SREBF2: variants seen among roughly 807,000 people sequenced by gnomAD.
The protein encoded by SREBF2 is sterol regulatory element-binding protein 2.
A neutral mutation model predicts 113.1 loss-of-function variants in SREBF2; 55 were observed. That is an observed-to-expected ratio of 0.49 (90% CI 0.39 to 0.61). The LOEUF (loss-of-function observed/expected upper bound fraction) is 0.61. SREBF2 is among the 20% of genes least tolerant of loss of function. The probability of loss-of-function intolerance (pLI) is 0.00; values close to 1 mark genes in which losing one functional copy is unlikely to be tolerated. For missense variants in SREBF2, 1,349 were observed against 1,487.4 expected (o/e 0.91, Z 1.53); for synonymous variants, 593 against 605.7 (o/e 0.98, Z 0.31).
chr22:41,864,309 GTA>G (rs1433001502), intron 1 of SREBF2, among the ~76,000 whole-genome samples: 13 of 53,504 alleles, frequency 2.4e-4, no homozygotes, highest in South Asian at 5.9e-4. Context: ...ATATATATAT[GTA>G]TATATATATA....
intron 15 of SREBF2, 166 bp from the exon 16 acceptor site, chr22:41,900,163 AT>A: frequency 6.6e-7 from 1 of 1,507,988 alleles, no homozygotes; most frequent in Non-Finnish European, 8.8e-7. Flanking sequence ...CAGGGCTGGC[AT>A]TTCAGATCTG....
intron 1 of SREBF2, among the ~76,000 whole-genome samples, chr22:41,847,774 G>C (rs2076890740): frequency 6.6e-6 from 1 of 152,210 alleles, no homozygotes; most frequent in South Asian, 2.1e-4. Flanking sequence ...TTTGTGTAAA[G>C]TGTTTAATTG....
At chr22:41,883,646 C>T (rs1198469250) in intron 10 of SREBF2, among the ~76,000 whole-genome samples, 1 of 152,170 alleles carries the variant, frequency 6.6e-6, no homozygotes, top group Admixed American at 6.5e-5. Flanking sequence ...GTATGGTTGC[C>T]ACACTGCCCT....
At chr22:41,895,702 C>G (rs934345536) in intron 13 of SREBF2, among the ~76,000 whole-genome samples, 16 of 152,120 alleles carry the variant, frequency 1.1e-4, no homozygotes, top group Non-Finnish European at 1.3e-4. Context: ...TCCCAAAGTG[C>G]TGGGATTACA....
intron 7 of SREBF2, among the ~76,000 whole-genome samples, chr22:41,876,170 A>G (rs1021549384): frequency 6.6e-6 from 1 of 152,234 alleles, no homozygotes; most frequent in African/African-American, 2.4e-5. Context: ...CATTTTACCT[A>G]TGGGCCTTTA....
intron 1 of SREBF2, among the ~76,000 whole-genome samples, chr22:41,849,981 A>G (rs1382460080): frequency 6.6e-6 from 1 of 150,960 alleles, no homozygotes; most frequent in Admixed American, 6.7e-5. Flanking sequence ...TGTTAAAAAA[A>G]TACAAAAAAT....
chr22:41,847,831 A>T (rs187995741), intron 1 of SREBF2, among the ~76,000 whole-genome samples: 17 of 152,322 alleles, frequency 1.1e-4, no homozygotes, highest in Non-Finnish European at 1.8e-4. Flanking sequence ...TGTACTTTTT[A>T]AAAATTATTA....
At position 41,868,766 on chromosome 22, in the gene SREBF2, G is replaced by A; in HGVS notation, c.694G>A (p.Ala232Thr). Residue 232 changes from alanine (A) to threonine (T), a missense_variant, in exon 3 of 19, where the codon GCT becomes ACT. Around this residue, in one of 2 missense-constraint regions of SREBF2, gnomAD observed 699 missense variants for 843.3 expected, o/e 0.83. Transcript: ENST00000361204. Reference sequence around the variant, plus strand: ...TGCCCCGGCTACGGTGCAGACAGTTGCTGCGCCACAGGTGCAGCAGGTCCC... The same window carrying A: ...TGCCCCGGCTACGGTGCAGACAGTTACTGCGCCACAGGTGCAGCAGGTCCC... ...TLAPATVQTV[A>T]APQVQQVPVL... The A allele has an allele frequency of 3.1e-6, 5 of 1,613,380 alleles. No homozygotes were observed. The highest frequency in any genetic ancestry group is 4.2e-6 in the Non-Finnish European group (5 of 1,179,664).
chr22:41,872,817 G>T (rs560120059), intron 4 of SREBF2, among the ~76,000 whole-genome samples: 12 of 152,114 alleles, frequency 7.9e-5, no homozygotes, highest in African/African-American at 2.2e-4. Context: ...CTTGAACCAG[G>T]GGGGTGCAGG....
chr22:41,880,575 G>A (rs1172637394), intron 9 of SREBF2, 141 bp from the exon 10 acceptor site: 5 of 1,119,510 alleles, frequency 4.5e-6, no homozygotes, highest in Non-Finnish European at 6.7e-6. Context: ...TTACTTTCTT[G>A]TAGCTTTCTG....
In SREBF2 at chr22:41,873,887, A is replaced by T; in HGVS notation, c.957A>T (p.Gly319=). The T allele has an allele frequency of 6.2e-7, 1 of 1,614,074 alleles. No individual in the cohort carries two copies. The highest frequency in any genetic ancestry group is 8.5e-7 in the Non-Finnish European group (1 of 1,179,984). Reference sequence around the variant, plus strand: ...TGCCCATTAAGCAGGTACCTGGGGGAGTCAAGCAGCTTGAGCCCCCCAAAG... The same window carrying T: ...TGCCCATTAAGCAGGTACCTGGGGGTGTCAAGCAGCTTGAGCCCCCCAAAG... ...EKVPIKQVPG[G]VKQLEPPKEG... The change falls in exon 5 of 19, where the codon GGA becomes GGT. Residue 319 remains glycine (G), a synonymous_variant. Transcript: ENST00000361204.
At chr22:41,879,858 A>G (rs1377715502) in intron 9 of SREBF2, among the ~76,000 whole-genome samples, 1 of 152,202 alleles carries the variant, frequency 6.6e-6, no homozygotes, top group African/African-American at 2.4e-5. Flanking sequence ...GTTGACAAAG[A>G]TTAGTTCATC....
At chr22:41,897,369 T>A (rs1462999235) in intron 14 of SREBF2, among the ~76,000 whole-genome samples, 1 of 152,090 alleles carries the variant, frequency 6.6e-6, no homozygotes, top group African/African-American at 2.4e-5. Flanking sequence ...AGTAGGGCAA[T>A]GAGTAATTGA....
intron 1 of SREBF2, among the ~76,000 whole-genome samples, chr22:41,846,092 A>G (rs1019929807): frequency 2.0e-5 from 3 of 152,190 alleles, no homozygotes; most frequent in East Asian, 1.9e-4. Flanking sequence ...CACACTCTTG[A>G]TAACTGTGCT....
At chr22:41,864,567 G>A (rs576557465) in intron 1 of SREBF2, among the ~76,000 whole-genome samples, 4 of 151,800 alleles carry the variant, frequency 2.6e-5, no homozygotes, top group Admixed American at 2.6e-4. Flanking sequence ...TGATCCGCAC[G>A]CCTTGGCCTC....
intron 15 of SREBF2, among the ~76,000 whole-genome samples, chr22:41,899,753 C>T (rs118057893): frequency 4.5e-4 from 69 of 152,292 alleles, no homozygotes; most frequent in Middle Eastern, 3.4e-3. Context: ...AAAGTCACCT[C>T]GCTCCAGAGC....
intron 1 of SREBF2, among the ~76,000 whole-genome samples, chr22:41,864,261 T>TACACACAC (rs1158750306): frequency 0.027 from 1,391 of 50,724 alleles, 40 homozygotes; most frequent in Non-Finnish European, 0.041. Flanking sequence ...TATATATATA[T>TACACACAC]ACACACACAC....
intron 1 of SREBF2, among the ~76,000 whole-genome samples, chr22:41,838,617 C>T (rs1033916927): frequency 2.0e-5 from 3 of 152,130 alleles, no homozygotes; most frequent in Admixed American, 6.5e-5. Context: ...CCTGTAACCC[C>T]AGCTACCTGG....
chr22:41,885,158 T>G, intron 11 of SREBF2, 147 bp downstream of exon 11: 1 of 1,005,950 alleles, frequency 9.9e-7, no homozygotes, highest in Non-Finnish European at 1.5e-6. Context: ...GTCGCTCATT[T>G]CACCAGGACT....
Sources: gnomAD v4.1 joint callset for allele counts (sites outside exome capture counted in the v4.1 genomes callset) on GRCh38, gnomAD v4.1.1 for gene constraint, gnomAD v4.1.1 regional missense constraint, MANE v1.5 for transcripts, NCBI Gene and HGNC (gene_info 2026-07-23, HGNC 2026-07-21) for gene names.